ABLIM1: variants seen among roughly 807,000 people sequenced by gnomAD.
ABLIM1 encodes the protein actin-binding LIM protein 1.
A neutral mutation model predicts 107.0 loss-of-function variants in ABLIM1; 40 were observed. That is an observed-to-expected ratio of 0.37 (90% CI 0.29 to 0.49). ABLIM1 has a LOEUF of 0.49. Among genes scored for constraint, ABLIM1 ranks in the 20% least tolerant of loss-of-function variants. The probability of loss-of-function intolerance (pLI) is 0.97; values close to 1 mark genes in which losing one functional copy is unlikely to be tolerated. For synonymous variants in ABLIM1, 357 were observed against 357.3 expected, an observed-to-expected ratio of 1.00 and a Z score of 0.01; for missense variants, 857 against 1,008.5, an observed-to-expected ratio of 0.85 and a Z score of 2.04.
chr10:114,515,905 G>T (rs1286899801), intron 6 of ABLIM1, among the ~76,000 whole-genome samples: 1 of 152,202 alleles, frequency 6.6e-6, no homozygotes, highest in Non-Finnish European at 1.5e-5. Context: ...GGCTCAGAGA[G>T]GACATGGCTC....
chr10:114,722,737 G>A (rs1330608668), intron 1 of ABLIM1, among the ~76,000 whole-genome samples: 1 of 152,262 alleles, frequency 6.6e-6, no homozygotes, highest in Admixed American at 6.5e-5. Flanking sequence ...GTAATGCTTT[G>A]TCCTTGCCTG....
intron 4 of ABLIM1, among the ~76,000 whole-genome samples, chr10:114,559,020 A>G (rs2069213932): frequency 6.6e-6 from 1 of 151,818 alleles, no homozygotes; most frequent in Non-Finnish European, 1.5e-5. Flanking sequence ...TATATTCTTA[A>G]CTTCAAAATG....
Position 114,603,975 on chromosome 10 carries a change from T to G in ABLIM1, c.245-2014A>C, listed in dbSNP as rs913469019. 1.8e-4 allele frequency among the ~76,000 whole-genome samples: 26 copies of G among 142,620 alleles called. 1 individual carries two copies. In the South Asian group the frequency reaches 5.7e-3, roughly 32 times the overall value. 93.6% of individuals were successfully genotyped at this position (142,620 alleles called of 152,430 possible). A position where few individuals can be genotyped will look rare whatever the true frequency, so the allele number is the denominator to read the frequency against. ...TCTCAAAAAAAAAAAAAAAAAAAAG[T>G]TTTCCTTAAAAATATCTGCCTTAAG... On this transcript the variant is annotated intron_variant, in intron 1 of 22. Transcript: ENST00000533213.
chr10:114,632,031 C>T (rs1427202492), intron 1 of ABLIM1: 23 of 1,275,110 alleles, frequency 1.8e-5, no homozygotes, highest in East Asian at 5.9e-5. Flanking sequence ...CAGGAGAAGC[C>T]CCGGCATCCG....
the ABLIM1 span, among the ~76,000 whole-genome samples, chr10:114,800,080 ATAATGTTTT>A: frequency 7.2e-5 from 11 of 152,298 alleles, no homozygotes; most frequent in Middle Eastern, 3.4e-3. Flanking sequence ...CCAGCCCAGA[ATAATGTTTT>A]TAATGTAAAA....
At chr10:114,720,971 T>G (rs543096634) in intron 1 of ABLIM1, among the ~76,000 whole-genome samples, 2 of 152,252 alleles carry the variant, frequency 1.3e-5, no homozygotes, top group South Asian at 2.1e-4. Context: ...GAGACCCCAG[T>G]CCCTACTTTG....
rs1024626077 is a variant in ABLIM1 at position 114,454,074 on chromosome 10, G to A, written c.1442-591C>T. Among the ~76,000 whole-genome samples, 8 of 152,228 alleles carry A rather than the reference G, an allele frequency of 5.3e-5. No homozygotes were observed. The East Asian group carries it at 5.8e-4, about 11-fold the overall frequency. On this transcript the variant is annotated intron_variant, in intron 12 of 22. Transcript: ENST00000533213. ...TGAAATATATAAAATAGAGTCAGAC[G>A]CGTGTCAGCCAGGTATTTCACGACC...
intron 1 of ABLIM1, among the ~76,000 whole-genome samples, chr10:114,701,017 G>C (rs897513101): frequency 6.6e-6 from 1 of 151,946 alleles, no homozygotes; most frequent in African/African-American, 2.4e-5. Flanking sequence ...TGGGAGAAAA[G>C]TATGTGCAAA....
At chr10:114,768,361 C>T (rs1474816274), upstream of ABLIM1, among the ~76,000 whole-genome samples, 1 of 149,886 alleles carries the variant, frequency 6.7e-6, no homozygotes, top group South Asian at 2.1e-4. Context: ...GTCCAGCAGC[C>T]GCTCTGCCGC....
At chr10:114,658,548 A>C (rs1277636345), upstream of ABLIM1, among the ~76,000 whole-genome samples, 1 of 152,228 alleles carries the variant, frequency 6.6e-6, no homozygotes, top group Non-Finnish European at 1.5e-5. Context: ...ATTCAGTATC[A>C]TCTGGTAAGA....
chr10:114,704,320 A>ATT (rs2081373042), intron 1 of ABLIM1, among the ~76,000 whole-genome samples: 1 of 82,832 alleles, frequency 1.2e-5, no homozygotes, highest in Non-Finnish European at 2.7e-5. Flanking sequence ...ATATATATAT[A>ATT]TATATATATA....
At chr10:114,599,619 CCA>C (rs1217406568) in intron 2 of ABLIM1, among the ~76,000 whole-genome samples, 1 of 150,944 alleles carries the variant, frequency 6.6e-6, no homozygotes, top group African/African-American at 2.4e-5. Flanking sequence ...TGAAAAAAAA[CCA>C]CACACACACA....
At position 114,766,619 on chromosome 10, in the gene ABLIM1, T is replaced by C. The variant is rs143470552; in HGVS notation, c.-213+1442A>G. Among the ~76,000 whole-genome samples, 1,150 of 152,242 alleles carry C rather than the reference T, an allele frequency of 7.6e-3. 10 individuals are homozygous for C. The highest frequency in any genetic ancestry group is 0.027 in the African/African-American group (1,106 of 41,526). On this transcript the variant is annotated intron_variant, in intron 1 of 15. Coordinates refer to the ABLIM1 transcript ENST00000651092. ...CCACATAGTTACTTGGCCCCTACAG[T>C]GTGCAAGGTTCTGCACTAACAGGTT...
At chr10:114,491,530 T>G (rs1386591810) in intron 7 of ABLIM1, among the ~76,000 whole-genome samples, 1 of 152,186 alleles carries the variant, frequency 6.6e-6, no homozygotes, top group South Asian at 2.1e-4. Flanking sequence ...ATCCGAGCCA[T>G]CAAATGTCGA....
chr10:114,490,364 T>A (rs1052847281), intron 7 of ABLIM1, among the ~76,000 whole-genome samples: 5 of 152,206 alleles, frequency 3.3e-5, no homozygotes, highest in African/African-American at 1.2e-4. Flanking sequence ...TAGCCTTTTT[T>A]AAGGGGAGAG....
intron 4 of ABLIM1, among the ~76,000 whole-genome samples, chr10:114,548,887 C>G (rs547186617): frequency 6.6e-6 from 1 of 152,316 alleles, no homozygotes; most frequent in South Asian, 2.1e-4. Flanking sequence ...AAGACAGAGT[C>G]CACTTGGTAC....
intron 4 of ABLIM1, among the ~76,000 whole-genome samples, chr10:114,553,458 A>C (rs2068333209): frequency 6.6e-6 from 1 of 152,230 alleles, no homozygotes; most frequent in African/African-American, 2.4e-5. Flanking sequence ...AGGACTTATC[A>C]AAAGATGGTA....
At chr10:114,513,633 G>A (rs1217088603) in intron 6 of ABLIM1, among the ~76,000 whole-genome samples, 1 of 152,068 alleles carries the variant, frequency 6.6e-6, no homozygotes, top group Non-Finnish European at 1.5e-5. Context: ...GTATGCTCAG[G>A]GTCAAGGTGA....
At chr10:114,712,348 G>A (rs185166171) in intron 1 of ABLIM1, among the ~76,000 whole-genome samples, 4,965 of 88,122 alleles carry the variant, frequency 0.056, 143 homozygotes, top group Middle Eastern at 0.11. Context: ...GCGAGACTCC[G>A]TCTCGAAAAA....
Sources: gnomAD v4.1 joint callset for allele counts (sites outside exome capture counted in the v4.1 genomes callset) on GRCh38, gnomAD v4.1.1 for gene constraint, MANE v1.5 for transcripts, NCBI Gene and HGNC (gene_info 2026-07-23, HGNC 2026-07-21) for gene names.